XKR9: variants seen among roughly 807,000 people sequenced by gnomAD.
The protein encoded by XKR9 is XK related 9.
In XKR9, 32 loss-of-function variants were observed where a neutral mutation model predicts 32.0. That is an observed-to-expected ratio of 1.00 (90% CI 0.76 to 1.34). The LOEUF is 1.34. XKR9 is among the 40% of genes most tolerant of loss of function. XKR9 has a pLI of 0.00. For synonymous variants in XKR9, 168 were observed against 143.4 expected, an observed-to-expected ratio of 1.17 and a Z score of -1.22; for missense variants, 546 against 429.7, an observed-to-expected ratio of 1.27 and a Z score of -2.39.
At chr8:70,854,302 C>T in the XKR9 span, among the ~76,000 whole-genome samples, 2 of 152,074 alleles carry the variant, frequency 1.3e-5, no homozygotes, top group Non-Finnish European at 2.9e-5. Context: ...TTTTCATGTG[C>T]CTTTTGGCTG....
At chr8:70,729,005 A>G (rs1403802639) in intron 4 of XKR9, among the ~76,000 whole-genome samples, 2 of 152,202 alleles carry the variant, frequency 1.3e-5, no homozygotes, top group Non-Finnish European at 2.9e-5. Flanking sequence ...TACTTACCAC[A>G]GATCAGGAAC....
chr8:70,711,005 G>C (rs751689557), intron 4 of XKR9, among the ~76,000 whole-genome samples: 10 of 152,028 alleles, frequency 6.6e-5, no homozygotes, highest in Non-Finnish European at 1.2e-4. Context: ...AGACATACCT[G>C]CAGACAAGCA....
chr8:70,926,503 TA>T, the XKR9 span, among the ~76,000 whole-genome samples: 1 of 152,236 alleles, frequency 6.6e-6, no homozygotes, highest in Admixed American at 6.5e-5. Flanking sequence ...ATACTTCTTT[TA>T]TAAAATATTT....
chr8:71,025,311 G>T, the XKR9 span, among the ~76,000 whole-genome samples: 1 of 152,204 alleles, frequency 6.6e-6, no homozygotes, highest in Admixed American at 6.5e-5. Context: ...AATGCTAACT[G>T]CAGAATAGTT....
chr8:70,926,053 C>T, the XKR9 span, among the ~76,000 whole-genome samples: 2 of 152,114 alleles, frequency 1.3e-5, no homozygotes, highest in African/African-American at 2.4e-5. Flanking sequence ...AAATATACCA[C>T]ATATATTATA....
the XKR9 span, among the ~76,000 whole-genome samples, chr8:71,059,965 T>C: frequency 6.6e-6 from 1 of 152,188 alleles, no homozygotes; most frequent in Non-Finnish European, 1.5e-5. Context: ...CCCATTTTTT[T>C]TGAGACAGTT....
chr8:70,784,406 A>T (rs1807656164), intron 2 of XKR9, among the ~76,000 whole-genome samples: 1 of 105,562 alleles, frequency 9.5e-6, no homozygotes, highest in South Asian at 2.4e-4. Context: ...TTTTTAGTGT[A>T]CAGATTTTTT....
At chr8:70,902,971 TG>T in the XKR9 span, among the ~76,000 whole-genome samples, 1 of 152,238 alleles carries the variant, frequency 6.6e-6, no homozygotes, top group East Asian at 1.9e-4. Context: ...GAACCAGCCT[TG>T]CATCCCAGGG....
chr8:70,789,781 T>C (rs1255403631), intron 3 of XKR9, among the ~76,000 whole-genome samples: 1 of 152,062 alleles, frequency 6.6e-6, no homozygotes, highest in Non-Finnish European at 1.5e-5. Flanking sequence ...GAATGTAGGT[T>C]CAGGTTTAAG....
downstream of XKR9, among the ~76,000 whole-genome samples, chr8:70,736,823 C>T (rs1398561888): frequency 6.6e-6 from 1 of 151,362 alleles, no homozygotes; most frequent in Non-Finnish European, 1.5e-5. Context: ...TTCCATTGAT[C>T]TATATCTCTG....
At chr8:70,938,283 C>T in the XKR9 span, among the ~76,000 whole-genome samples, 2 of 151,638 alleles carry the variant, frequency 1.3e-5, no homozygotes, top group Admixed American at 1.3e-4. Context: ...TGCTTGTCGT[C>T]TGTGTATTTA....
intron 2 of XKR9, among the ~76,000 whole-genome samples, chr8:70,767,221 T>C (rs1021654714): frequency 3.9e-5 from 6 of 152,170 alleles, no homozygotes; most frequent in Non-Finnish European, 7.3e-5. Context: ...TGTGAATCCG[T>C]CTGGACCTGG....
the XKR9 span, among the ~76,000 whole-genome samples, chr8:70,844,021 T>C: frequency 6.6e-6 from 1 of 152,166 alleles, no homozygotes; most frequent in Admixed American, 6.5e-5. Flanking sequence ...TTCCCAGCAC[T>C]CTAGTACAAA....
chr8:70,990,092 TC>T, the XKR9 span, among the ~76,000 whole-genome samples: 1 of 152,182 alleles, frequency 6.6e-6, no homozygotes, highest in African/African-American at 2.4e-5. Context: ...CTGGGTAGCC[TC>T]CCACAGTCTT....
chr8:70,815,509 T>TTTTATTTA, the XKR9 span, among the ~76,000 whole-genome samples: 30,847 of 141,592 alleles, frequency 0.22, 3,790 homozygotes, highest in African/African-American at 0.27. Flanking sequence ...CATTCCTTTA[T>TTTTATTTA]TTTATTTATT....
At chr8:70,860,209 T>C in the XKR9 span, among the ~76,000 whole-genome samples, 1 of 152,054 alleles carries the variant, frequency 6.6e-6, no homozygotes, top group Admixed American at 6.6e-5. Flanking sequence ...CTAATCCCAG[T>C]GTGATAGTAT....
At chr8:70,838,771 G>C in the XKR9 span, among the ~76,000 whole-genome samples, 1 of 152,028 alleles carries the variant, frequency 6.6e-6, no homozygotes, top group South Asian at 2.1e-4. Context: ...AAGTGTGGAA[G>C]TTTTTTCTAC....
chr8:70,814,441 A>G, the XKR9 span, among the ~76,000 whole-genome samples: 1 of 151,930 alleles, frequency 6.6e-6, no homozygotes, highest in Admixed American at 6.6e-5. Flanking sequence ...TTAAAAGTAT[A>G]ATAATATTAA....
chr8:70,785,383 T>A (rs1027904882), intron 2 of XKR9, among the ~76,000 whole-genome samples: 1 of 151,970 alleles, frequency 6.6e-6, no homozygotes, highest in African/African-American at 2.4e-5. Flanking sequence ...TTTTATTTAT[T>A]TGAATCTTCT....
Sources: allele counts gnomAD v4.1 joint callset (sites outside exome capture counted in the v4.1 genomes callset), GRCh38; gene constraint gnomAD v4.1.1; transcripts MANE v1.5; gene names NCBI Gene and HGNC (gene_info 2026-07-23, HGNC 2026-07-21).